The following DNMT3A variants were observed in gnomAD, a reference collection of about 807,000 sequenced individuals.
The protein encoded by DNMT3A is DNA methyltransferase 3 alpha, also known as DNA (cytosine-5)-methyltransferase 3A.
Under a neutral mutation model 117.6 loss-of-function variants are expected in DNMT3A, and 267 were observed. The ratio of observed to expected loss-of-function variants is 2.27; its 90% CI spans 2.05 to 2.51. The LOEUF (loss-of-function observed/expected upper bound fraction) is 2.51, where lower values mean the gene tolerates loss of function less well. DNMT3A is among the 30% of genes most tolerant of loss of function. DNMT3A has a pLI of 0.00. For synonymous variants in DNMT3A, 432 were observed against 474.8 expected (o/e 0.91, Z 1.17); for missense variants, 1,029 against 1,260.2 (o/e 0.82, Z 2.78).
rs1174921909 is a variant in DNMT3A, at chr2:25,236,974, C to A, written c.2440G>T (p.Glu814Ter). 1.2e-6 allele frequency: 2 copies of A among 1,613,698 alleles called. No homozygotes were observed. The highest frequency in any genetic ancestry group is 1.3e-5 in the African/African-American group (1 of 75,044). The change falls in exon 21 of 23, where the codon GAG becomes TAG. Residue 814 changes from glutamate to a stop codon, truncating the protein, a stop_gained. Transcript: ENST00000321117. LOFTEE classifies it high-confidence loss of function. The surrounding 1 kb of genome is among the most constrained non-coding windows in gnomAD (Gnocchi z 4.5). ...PLASTVNDKL[E>*]LQECLEHGRI... ...CCATGCTCCAGACACTCCTGCAGCT[C>A]CAGCTTATCATTCACAGTGGATGCC...
intron 6 of DNMT3A, among the ~76,000 whole-genome samples, chr2:25,264,664 A>G (rs1178127421): frequency 2.0e-5 from 3 of 150,850 alleles, no homozygotes; most frequent in South Asian, 2.1e-4. Context: ...GGGTTTCACC[A>G]TGTTAGCCAG....
chr2:25,339,887 A>T lies in DNMT3A; in HGVS notation c.-178+1939T>A, dbSNP rs569188994. 1.3e-5 allele frequency among the ~76,000 whole-genome samples: 2 copies of T among 152,192 alleles called. No individual in the cohort carries two copies. Among genetic ancestry groups the T allele is most frequent in the Non-Finnish European group, 2.9e-5 (2 of 68,026 alleles). ...CTGTCACATCTGCCCGCGAGGGAGG[A>T]GGCGACACTGGAGCAGCACCTGATC... is the stretch of plus-strand genomic sequence containing the variant. On this transcript the variant is annotated intron_variant, in intron 1 of 22. Coordinates refer to ENST00000321117, the MANE Select transcript of DNMT3A (RefSeq NM_022552.5). This position sits in a 1 kb window ranked among gnomAD's most constrained non-coding sequence, Gnocchi z 4.9.
rs139047498 is a variant in DNMT3A at position 25,300,145 on chromosome 2, G to A, written c.171C>T (p.His57=). ...TGTAGGATGTGACACTCACCGGGGG[G>A]TGCTTGCGCTTCCTCCCAGGCCGCC... ...KVGRPGRKRK[H]PPVESGDTPK... The change falls in exon 3 of 23, where the codon CAC becomes CAT. Residue 57 remains histidine (H), a synonymous_variant. Transcript: ENST00000321117. 2.5e-6 allele frequency: 4 copies of A among 1,613,368 alleles called. 1 individual carries two copies. The highest frequency in any genetic ancestry group is 2.5e-6 in the Non-Finnish European group (3 of 1,179,874).
rs536458443 is a variant in DNMT3A, at chr2:25,294,537, C to T, written c.177+5602G>A. On this transcript the variant is annotated intron_variant, in intron 3 of 22. Transcript: ENST00000321117. The surrounding 1 kb of genome is among the most constrained non-coding windows in gnomAD (Gnocchi z 4.7). Reference sequence around the variant, plus strand: ...GTTATATGCATAAAAGGTAGGGGCACCATATCACCCAGCCGAGGTCCGGAG... The same window carrying T: ...GTTATATGCATAAAAGGTAGGGGCATCATATCACCCAGCCGAGGTCCGGAG... Among the ~76,000 whole-genome samples, 1 of 152,264 alleles carries T rather than the reference C, an allele frequency of 6.6e-6. No homozygotes were observed. The highest frequency in any genetic ancestry group is 6.5e-5 in the Admixed American group (1 of 15,288).
In DNMT3A at chr2:25,264,132, G is replaced by GTTTTTTTTTTTTTTT. The variant is rs1175186554; in HGVS notation, c.639+10794_639+10808dup. ...TCAGTAAAGGCTGGACAACCCTTTG[G>GTTTTTTTTTTTTTTT]TTTTTTTTTTTTTTTTTTTTTTTTT... On this transcript the variant is annotated intron_variant, in intron 6 of 22. Transcript: ENST00000321117. 5.9e-3 allele frequency among the ~76,000 whole-genome samples: 437 copies of GTTTTTTTTTTTTTTT among 73,758 alleles called. 76 individuals are homozygous for GTTTTTTTTTTTTTTT. The highest frequency in any genetic ancestry group is 0.012 in the East Asian group (24 of 1,980). 48.4% of individuals were successfully genotyped at this position (73,758 alleles called of 152,430 possible).
At position 25,282,145 on chromosome 2, in the gene DNMT3A, C is replaced by G; in HGVS notation, c.448+296G>C. 1 of 1,169,344 alleles carries G rather than the reference C, an allele frequency of 8.6e-7. No individual in the cohort carries two copies. Among genetic ancestry groups the G allele is most frequent in the Non-Finnish European group, 1.1e-6 (1 of 904,154 alleles). 72.4% of individuals were successfully genotyped at this position (1,169,344 alleles called of 1,614,324 possible). A position where few individuals can be genotyped will look rare whatever the true frequency, so the allele number is the denominator to read the frequency against. On this transcript the variant is annotated intron_variant, in intron 4 of 22. Transcript: ENST00000321117. The surrounding 1 kb of genome is among the most constrained non-coding windows in gnomAD (Gnocchi z 5.2). The stretch of plus-strand genomic sequence containing the variant: ...TGGCGTTATGAAAGCCCGCTGTTGC[C>G]AGATCTAGCTTTTTTTTTTTTCATG...
At chr2:25,240,213 A>C in intron 19 of DNMT3A, 89 bp downstream of exon 19, 1 of 1,573,304 alleles carries the variant, frequency 6.4e-7, no homozygotes, top group Middle Eastern at 1.7e-4. Context: ...ACCAGTCCCC[A>C]GCTCCACAAT....
rs56901099 is a variant in DNMT3A, at chr2:25,284,645, T to TAAAAAAAAA, written c.178-1943_178-1935dup. Among the ~76,000 whole-genome samples the TAAAAAAAAA allele has an allele frequency of 3.6e-4, 6 of 16,646 alleles. 1 individual carries two copies. The highest frequency in any genetic ancestry group is 1.2e-3 in the African/African-American group (3 of 2,424). The allele number at this position is 16,646 out of a possible 152,430, so 10.9% of individuals were successfully genotyped here. A position where few individuals can be genotyped will look rare whatever the true frequency, so the allele number is the denominator to read the frequency against. ...CTGGGCAACAGAGTGAGACTCCATC[T>TAAAAAAAAA]AAAAAAAAAAAAAAAAAAAAAAAAA... On this transcript the variant is annotated intron_variant, in intron 3 of 22. Transcript: ENST00000321117.
chr2:25,302,894 G>C (rs780147324), intron 2 of DNMT3A, among the ~76,000 whole-genome samples: 2 of 152,224 alleles, frequency 1.3e-5, no homozygotes, highest in Admixed American at 6.5e-5. Context: ...AAAAAGCAAA[G>C]TGGGCATGAG....
chr2:25,309,398 G>A (rs1238031877), intron 2 of DNMT3A, among the ~76,000 whole-genome samples: 1 of 152,250 alleles, frequency 6.6e-6, no homozygotes, highest in East Asian at 1.9e-4. Flanking sequence ...TCCATCTGGT[G>A]TGTGTGCCTG....
rs533876973 is a variant in DNMT3A at position 25,277,350 on chromosome 2, C to A, written c.449-1807G>T. Among the ~76,000 whole-genome samples, 218 of 152,170 alleles carry A rather than the reference C, an allele frequency of 1.4e-3. 2 individuals carry two copies. The highest frequency in any genetic ancestry group is 4.8e-3 in the African/African-American group (201 of 41,540). ...TCCCCGTTCCCAGGCCAGGGCTTCC[C>A]CCTCCTCCCAGACCTCGTTGCTCTG... On this transcript the variant is annotated intron_variant, in intron 4 of 22. Coordinates refer to ENST00000321117, the MANE Select transcript of DNMT3A (RefSeq NM_022552.5).
At chr2:25,297,507 GTTT>G (rs1184125497) in intron 3 of DNMT3A, among the ~76,000 whole-genome samples, 4 of 123,450 alleles carry the variant, frequency 3.2e-5, no homozygotes, top group Non-Finnish European at 1.7e-5. Context: ...GCTCTGCATT[GTTT>G]TTTTTTTTTT....
rs1280361160 is a variant in DNMT3A at position 25,257,096 on chromosome 2, G to T, written c.640-8844C>A. On this transcript the variant is annotated intron_variant, in intron 6 of 22. Coordinates refer to ENST00000321117, the MANE Select transcript of DNMT3A (RefSeq NM_022552.5). The surrounding 1 kb of genome is among the most constrained non-coding windows in gnomAD (Gnocchi z 4.8). ...GGAATCTTTGTTTTCCTATTCCCTT[G>T]CAATCCATATGGAGGTTGCAAGCAA... Among the ~76,000 whole-genome samples, 2 of 152,188 alleles carry T rather than the reference G, an allele frequency of 1.3e-5. No individual in the cohort carries two copies. The highest frequency in any genetic ancestry group is 1.3e-4 in the Admixed American group (2 of 15,276).
At position 25,311,335 on chromosome 2, in the gene DNMT3A, G is replaced by A. The variant is rs953558278; in HGVS notation, c.72+2578C>T. ...CTCTGCAGCTACCAGCACCCCTGCCGCAGGCCTGGCTTTCATGGGCTGCTG... is the reference window on the plus strand; with the variant it reads ...CTCTGCAGCTACCAGCACCCCTGCCACAGGCCTGGCTTTCATGGGCTGCTG... On this transcript the variant is annotated intron_variant, in intron 2 of 22. Transcript: ENST00000321117. The surrounding 1 kb of genome is among the most constrained non-coding windows in gnomAD (Gnocchi z 5.2). Among the ~76,000 whole-genome samples, 10 of 152,314 alleles carry A rather than the reference G, an allele frequency of 6.6e-5. No individual in the cohort carries two copies. Among genetic ancestry groups the A allele is most frequent in the South Asian group, 2.1e-4 (1 of 4,830 alleles).
intron 6 of DNMT3A, among the ~76,000 whole-genome samples, chr2:25,251,160 G>A (rs1283081667): frequency 7.0e-6 from 1 of 143,354 alleles, no homozygotes; most frequent in Non-Finnish European, 1.5e-5. Flanking sequence ...AAGCGGGGGG[G>A]GGGGTGGGTG....
intron 1 of DNMT3A, chr2:25,314,560 C>T: frequency 1.0e-6 from 1 of 982,564 alleles, no homozygotes; most frequent in African/African-American, 1.8e-5. Context: ...GCTACGTTTT[C>T]CTTCTAATCT....
rs1166517806 is a variant in DNMT3A, at chr2:25,254,798, A to G, written c.640-6546T>C. ...TCTCATGTACGATACCCGCTCTTCCATTATAATGCGGCTAAACACCTTAGA... is the reference window on the plus strand; with the variant it reads ...TCTCATGTACGATACCCGCTCTTCCGTTATAATGCGGCTAAACACCTTAGA... On this transcript the variant is annotated intron_variant, in intron 6 of 22. Coordinates refer to ENST00000321117, the MANE Select transcript of DNMT3A (RefSeq NM_022552.5). The surrounding 1 kb of genome is among the most constrained non-coding windows in gnomAD (Gnocchi z 4.7). 1.3e-5 allele frequency among the ~76,000 whole-genome samples: 2 copies of G among 152,172 alleles called. No individual in the cohort carries two copies. Among genetic ancestry groups the G allele is most frequent in the African/African-American group, 4.8e-5 (2 of 41,430 alleles).
chr2:25,262,060 C>T (rs1360485847), intron 6 of DNMT3A, among the ~76,000 whole-genome samples: 1 of 151,876 alleles, frequency 6.6e-6, no homozygotes, highest in Admixed American at 6.6e-5. Flanking sequence ...CATGGCAGCA[C>T]ATGCCTGTAA....
chr2:25,250,871 G>A (rs1675443277), intron 6 of DNMT3A, among the ~76,000 whole-genome samples: 1 of 152,232 alleles, frequency 6.6e-6, no homozygotes, highest in Admixed American at 6.5e-5. Flanking sequence ...GGCAGCAGCA[G>A]GTGGGCTGGG....
Sources: gnomAD v4.1 joint callset for allele counts (sites outside exome capture counted in the v4.1 genomes callset) on GRCh38, gnomAD v4.1.1 for gene constraint, Gnocchi (gnomAD v3.1) non-coding constraint, MANE v1.5 for transcripts, NCBI Gene and HGNC (gene_info 2026-07-23, HGNC 2026-07-21) for gene names.